The following AOX1 variants were observed in gnomAD, a reference collection of about 807,000 sequenced individuals.
AOX1 encodes the protein aldehyde oxidase 1, also known as aldehyde oxidase.
Under a neutral mutation model 169.5 loss-of-function variants are expected in AOX1, and 153 were observed. The ratio of observed to expected loss-of-function variants is 0.90; its 90% CI spans 0.79 to 1.03. The LOEUF is 1.03. AOX1 is among the 50% of genes least tolerant of loss of function. AOX1 has a pLI of 0.00. For synonymous variants in AOX1, 562 were observed against 581.9 expected (o/e 0.97, Z 0.49); for missense variants, 1,656 against 1,663.9 (o/e 1.00, Z 0.08).
chr2:200,598,735 C>T (rs187575236), intron 4 of AOX1, among the ~76,000 whole-genome samples: 1 of 149,930 alleles, frequency 6.7e-6, no homozygotes, highest in Non-Finnish European at 1.5e-5. Flanking sequence ...CAGAGCAAGA[C>T]TCTGTCTCAA....
chr2:200,657,916 A>G (rs2035727710), intron 27 of AOX1, among the ~76,000 whole-genome samples: 1 of 152,164 alleles, frequency 6.6e-6, no homozygotes, highest in Non-Finnish European at 1.5e-5. Context: ...AGTCACCAAC[A>G]TGCTTTTGTT....
chr2:200,653,561 C>T (rs1207051575), intron 26 of AOX1, among the ~76,000 whole-genome samples: 1 of 152,218 alleles, frequency 6.6e-6, no homozygotes, highest in Admixed American at 6.5e-5. Context: ...CAATAAATGG[C>T]AGAACAAGGA....
chr2:200,623,751 T>C, intron 18 of AOX1, 110 bp from the exon 19 acceptor site: 1 of 1,534,418 alleles, frequency 6.5e-7, no homozygotes. Flanking sequence ...CCTGTGTGTA[T>C]CTAGCCCTAG....
At chr2:200,593,959 A>C (rs1485586456) in intron 2 of AOX1, among the ~76,000 whole-genome samples, 1 of 152,212 alleles carries the variant, frequency 6.6e-6, no homozygotes, top group Non-Finnish European at 1.5e-5. Flanking sequence ...GAGTGACAGA[A>C]AACTCCACCT....
intron 19 of AOX1, among the ~76,000 whole-genome samples, chr2:200,624,497 A>T (rs996350024): frequency 6.6e-6 from 1 of 152,092 alleles, no homozygotes; most frequent in East Asian, 1.9e-4. Context: ...AGGGGAGGGG[A>T]TGCTAGATGG....
At chr2:200,639,341 G>A (rs2035305517) in intron 23 of AOX1, among the ~76,000 whole-genome samples, 3 of 152,216 alleles carry the variant, frequency 2.0e-5, no homozygotes, top group African/African-American at 7.2e-5. Context: ...CCTGTAAGTT[G>A]TGGATCTCAC....
chr2:200,634,990 G>A (rs780159902), intron 21 of AOX1, 75 bp downstream of exon 21: 19 of 1,562,786 alleles, frequency 1.2e-5, no homozygotes, highest in South Asian at 1.2e-5. Flanking sequence ...AGCAATTAGA[G>A]GTAAAAGTAT....
At chr2:200,635,624 C>A (rs964180865) in intron 21 of AOX1, among the ~76,000 whole-genome samples, 1 of 152,260 alleles carries the variant, frequency 6.6e-6, no homozygotes, top group Middle Eastern at 3.4e-3. Context: ...AAATGACACC[C>A]ATTCATTTAT....
chr2:200,617,481 CAAAAAAAA>C (rs35035526), intron 16 of AOX1, among the ~76,000 whole-genome samples: 9 of 58,210 alleles, frequency 1.5e-4, no homozygotes, highest in African/African-American at 3.1e-4. Flanking sequence ...CAACTAACTG[CAAAAAAAA>C]AAAAAAAAAA....
Position 200,586,115 on chromosome 2 carries a change from C to A in AOX1, c.7C>A (p.Arg3=), listed in dbSNP as rs757671419. The change falls in exon 1 of 35, where the codon CGG becomes AGG. Residue 3 remains arginine, a synonymous_variant. Transcript: ENST00000374700. ...AACCAGCGCGGACACCACAATGGAC[C>A]GGGCGTCCGAGCTGCTCTTCTACGT... is the stretch of plus-strand genomic sequence containing the variant. MD[R]ASELLFYVNG... The A allele has an allele frequency of 6.4e-7, 1 of 1,560,956 alleles. No individual in the cohort carries two copies. Among genetic ancestry groups the A allele is most frequent in the Admixed American group, 1.9e-5 (1 of 52,920 alleles).
intron 30 of AOX1, 62 bp downstream of exon 30, chr2:200,661,693 C>CAGTT (rs2035832454): frequency 2.9e-6 from 4 of 1,371,948 alleles, no homozygotes; most frequent in Non-Finnish European, 4.1e-6. Flanking sequence ...GGAAGAGTTT[C>CAGTT]AGTTCCCTTG....
downstream of AOX1, among the ~76,000 whole-genome samples, chr2:200,676,193 GA>G (rs2036095296): frequency 6.6e-6 from 1 of 151,824 alleles, no homozygotes; most frequent in African/African-American, 2.4e-5. Flanking sequence ...AACAAATTAT[GA>G]AAAAAAGTAC....
At chr2:200,603,393 G>C in intron 7 of AOX1, 37 bp downstream of exon 7, 1 of 1,535,388 alleles carries the variant, frequency 6.5e-7, no homozygotes, top group Non-Finnish European at 9.0e-7. Context: ...GGCTTTCTCA[G>C]GACATGAACA....
intron 1 of AOX1, among the ~76,000 whole-genome samples, chr2:200,588,725 G>GATTTTTTTTTTTTTTTTTT: frequency 2.4e-5 from 1 of 40,916 alleles, no homozygotes; most frequent in East Asian, 5.5e-4. Context: ...ACTAGAATAA[G>GATTTTTTTTTTTTTTTTTT]CTTTTTTTTT....
chr2:200,604,876 T>G (rs1559234450), intron 9 of AOX1, 36 bp downstream of exon 9: 4 of 1,598,258 alleles, frequency 2.5e-6, no homozygotes, highest in South Asian at 2.2e-5. Context: ...ATAGGGAAAT[T>G]GAGAAAAAGG....
intron 25 of AOX1, among the ~76,000 whole-genome samples, chr2:200,648,384 T>G (rs56009945): frequency 0.12 from 18,696 of 152,238 alleles, 1,309 homozygotes; most frequent in Non-Finnish European, 0.16. Context: ...ACCCAGCAAG[T>G]CTACCCAGCT....
intron 21 of AOX1, among the ~76,000 whole-genome samples, chr2:200,635,137 CAAT>C (rs1559248354): frequency 2.0e-5 from 3 of 152,026 alleles, no homozygotes; most frequent in African/African-American, 7.3e-5. Context: ...AAAACAAAAC[CAAT>C]AATGTTATTT....
rs1270120672 is a variant in AOX1 at position 200,669,584 on chromosome 2, G to A, written c.3808G>A (p.Glu1270Lys). 6.2e-7 allele frequency: 1 copy of A among 1,614,058 alleles called. No individual in the cohort carries two copies. Among genetic ancestry groups the A allele is most frequent in the African/African-American group, 1.3e-5 (1 of 75,000 alleles). The change falls in exon 34 of 35, where the codon GAG becomes AAG. Residue 1270 changes from glutamate to lysine, a missense_variant. Glu to Lys is a moderately conservative substitution (Grantham distance 56, BLOSUM62 1). Coordinates refer to ENST00000374700, the MANE Select transcript of AOX1 (RefSeq NM_001159.4). ...NTLYSSKGLG[E>K]SGVFLGCSVF... The stretch of plus-strand genomic sequence containing the variant: ...CATGCTTCCTTTCAAGGGTCTGGGA[G>A]AGTCGGGGGTGTTCCTGGGGTGTTC...
At chr2:200,647,900 T>C (rs1293484466) in intron 25 of AOX1, among the ~76,000 whole-genome samples, 2 of 152,014 alleles carry the variant, frequency 1.3e-5, no homozygotes, top group African/African-American at 4.8e-5. Context: ...CAGAGCATTT[T>C]GCATTTCTAA....
Sources: gnomAD v4.1 joint callset for allele counts (sites outside exome capture counted in the v4.1 genomes callset) on GRCh38, gnomAD v4.1.1 for gene constraint, MANE v1.5 for transcripts, NCBI Gene and HGNC (gene_info 2026-07-23, HGNC 2026-07-21) for gene names.